The following IGF2BP2 variants were observed in gnomAD, a reference collection of about 807,000 sequenced individuals.
IGF2BP2 encodes insulin like growth factor 2 mRNA binding protein 2.
A neutral mutation model predicts 75.8 loss-of-function variants in IGF2BP2; 17 were observed. The ratio of observed to expected loss-of-function variants is 0.22; its 90% confidence interval spans 0.15 to 0.34. The LOEUF (loss-of-function observed/expected upper bound fraction) is 0.34. Among genes scored for constraint, IGF2BP2 ranks in the 10% least tolerant of loss-of-function variants. The pLI is 1.00. For missense variants in IGF2BP2, 516 were observed against 772.4 expected (o/e 0.67, Z 3.93); for synonymous variants, 288 against 295.6 (o/e 0.97, Z 0.26).
intron 2 of IGF2BP2, chr3:185,729,645 CAG>C (rs1444218041): frequency 1.3e-5 from 2 of 152,126 alleles, no homozygotes; most frequent in Non-Finnish European, 2.9e-5. Flanking sequence ...TTTAATGTAA[CAG>C]AATATTAACG....
At chr3:185,733,852 T>C (rs1037226382) in intron 2 of IGF2BP2, among the ~76,000 whole-genome samples, 6 of 151,552 alleles carry the variant, frequency 4.0e-5, no homozygotes, top group African/African-American at 7.3e-5. Context: ...TTTAGGAAAA[T>C]GAAAAGTTTA....
intron 2 of IGF2BP2, among the ~76,000 whole-genome samples, chr3:185,734,433 G>A (rs542347965): frequency 3.3e-4 from 50 of 152,218 alleles, no homozygotes; most frequent in African/African-American, 1.2e-3. Flanking sequence ...CCCTATTAAA[G>A]CATAATCAAA....
intron 10 of IGF2BP2, among the ~76,000 whole-genome samples, 182 bp from the exon 11 acceptor site, chr3:185,658,591 C>T (rs1241279762): frequency 1.3e-5 from 2 of 152,228 alleles, no homozygotes; most frequent in Non-Finnish European, 1.5e-5. Flanking sequence ...ACTCAGACCA[C>T]GGAATGCTTG....
chr3:185,777,725 C>T (rs2149786959), intron 2 of IGF2BP2, among the ~76,000 whole-genome samples: 1 of 152,258 alleles, frequency 6.6e-6, no homozygotes, highest in South Asian at 2.1e-4. Context: ...TAAGGAGCAT[C>T]TCCTATCACC....
At chr3:185,659,253 TGAGA>T (rs1392106810) in intron 10 of IGF2BP2, among the ~76,000 whole-genome samples, 3 of 148,570 alleles carry the variant, frequency 2.0e-5, no homozygotes, top group Non-Finnish European at 4.5e-5. Flanking sequence ...AGAGAGTGAC[TGAGA>T]GAGGAGAGAA....
chr3:185,731,246 C>CTTTTTTTTTTTTTTTTT (rs760172663), intron 2 of IGF2BP2, among the ~76,000 whole-genome samples: 6 of 129,250 alleles, frequency 4.6e-5, no homozygotes, highest in African/African-American at 1.7e-4. Context: ...GCATCACTTT[C>CTTTTTTTTTTTTTTTTT]TTTTTTTTTT....
At chr3:185,742,370 C>T (rs1446157493) in intron 2 of IGF2BP2, among the ~76,000 whole-genome samples, 2 of 152,078 alleles carry the variant, frequency 1.3e-5, no homozygotes, top group East Asian at 3.9e-4. Flanking sequence ...GTGCCGGGTG[C>T]CCGTAATCCC....
intron 2 of IGF2BP2, among the ~76,000 whole-genome samples, chr3:185,786,659 C>T (rs1578299093): frequency 6.6e-6 from 1 of 152,304 alleles, no homozygotes; most frequent in East Asian, 1.9e-4. Context: ...CTCAGCCCAC[C>T]TGCACCCAGG....
At chr3:185,734,638 T>C (rs1420581464) in intron 2 of IGF2BP2, among the ~76,000 whole-genome samples, 1 of 152,222 alleles carries the variant, frequency 6.6e-6, no homozygotes, top group African/African-American at 2.4e-5. Flanking sequence ...CGCTGAAACT[T>C]GTCTACAGTA....
intron 2 of IGF2BP2, among the ~76,000 whole-genome samples, chr3:185,780,299 A>G (rs969242748): frequency 2.6e-5 from 4 of 152,222 alleles, no homozygotes; most frequent in Non-Finnish European, 4.4e-5. Flanking sequence ...AGGTTAAAAG[A>G]GGATTATGAT....
chr3:185,737,389 G>A (rs574602594), intron 2 of IGF2BP2, among the ~76,000 whole-genome samples: 1 of 152,166 alleles, frequency 6.6e-6, no homozygotes. Context: ...GGAGTCAAAA[G>A]TGGTAGTTCT....
At chr3:185,680,654 T>C (rs556379178) in intron 7 of IGF2BP2, among the ~76,000 whole-genome samples, 205 of 152,266 alleles carry the variant, frequency 1.3e-3, no homozygotes, top group African/African-American at 4.8e-3. Context: ...AGCATACAAT[T>C]AATGGGGAGC....
intron 2 of IGF2BP2, among the ~76,000 whole-genome samples, chr3:185,700,569 G>T (rs1272077114): frequency 6.6e-6 from 1 of 152,122 alleles, no homozygotes; most frequent in Non-Finnish European, 1.5e-5. Context: ...ATTCTCTATG[G>T]AAGATGTCAC....
chr3:185,769,650 C>T (rs1416674807), intron 2 of IGF2BP2, among the ~76,000 whole-genome samples: 1 of 151,634 alleles, frequency 6.6e-6, no homozygotes, highest in Non-Finnish European at 1.5e-5. Flanking sequence ...CCATCCTGGG[C>T]AACATACCAA....
Position 185,692,718 on chromosome 3 carries a change from T to A in IGF2BP2, c.385A>T (p.Thr129Ser). The A allele has an allele frequency of 6.2e-7, 1 of 1,613,894 alleles. No homozygotes were observed. Among genetic ancestry groups the A allele is most frequent in the Non-Finnish European group, 8.5e-7 (1 of 1,179,854 alleles). Reference sequence around the variant, plus strand: ...GCTTACATTTTTGCTTCTTCTCTTGTTGCATATGTGACGTTGACAACGGCG... The same window carrying A: ...GCTTACATTTTTGCTTCTTCTCTTGATGCATATGTGACGTTGACAACGGCG... The part of the protein sequence containing the change: ...ETAVVNVTYA[T>S]REEAKIAMEK... Residue 129 changes from threonine to serine, a missense_variant, in exon 5 of 16, where the codon ACA becomes TCA. Around this residue, in one of 3 missense-constraint regions of IGF2BP2, gnomAD observed 312 missense variants for 474.5 expected, o/e 0.66. Coordinates refer to ENST00000382199, the MANE Select transcript of IGF2BP2 (RefSeq NM_006548.6).
intron 7 of IGF2BP2, among the ~76,000 whole-genome samples, chr3:185,678,184 AGAGT>A (rs1194518220): frequency 6.6e-6 from 1 of 152,258 alleles, no homozygotes; most frequent in African/African-American, 2.4e-5. Flanking sequence ...AGTCAAAGAT[AGAGT>A]ATCTTCAAAG....
chr3:185,748,037 A>G (rs1730487516), intron 2 of IGF2BP2, among the ~76,000 whole-genome samples: 1 of 151,930 alleles, frequency 6.6e-6, no homozygotes, highest in African/African-American at 2.4e-5. Context: ...TTGTATTTTT[A>G]GTAGAGACAG....
Position 185,689,564 on chromosome 3 carries a change from C to T in IGF2BP2, c.468G>A (p.Pro156=), listed in dbSNP as rs199831327. The T allele has an allele frequency of 2.5e-5, 40 of 1,614,122 alleles. No individual in the cohort carries two copies. The highest frequency in any genetic ancestry group is 6.7e-5 in the Admixed American group (4 of 60,014). ...ENYSFKISYI[P]DEEVSSPSPP... ...GCGAAGGGGAGCTCACCTCTTCATC[C>T]GGGATGTAGGAAATCTTGAAGGAGT... is the stretch of plus-strand genomic sequence containing the variant. The change falls in exon 6 of 16, where the codon CCG becomes CCA. Residue 156 remains proline, a synonymous_variant. Coordinates refer to ENST00000382199, the MANE Select transcript of IGF2BP2 (RefSeq NM_006548.6).
At chr3:185,689,258 T>G in intron 6 of IGF2BP2, 97 bp downstream of exon 6, 1 of 1,297,432 alleles carries the variant, frequency 7.7e-7, no homozygotes, top group Non-Finnish European at 1.1e-6. Context: ...AGCCCCCCAC[T>G]GCTGATGTAA....
Sources: allele counts gnomAD v4.1 joint callset (sites outside exome capture counted in the v4.1 genomes callset), GRCh38; gene constraint gnomAD v4.1.1; regional missense constraint gnomAD v4.1.1; transcripts MANE v1.5; gene names NCBI Gene and HGNC (gene_info 2026-07-23, HGNC 2026-07-21).